The following NSMAF variants were observed in gnomAD, a reference collection of about 807,000 sequenced individuals.
NSMAF encodes protein FAN.
Under a neutral mutation model 134.9 loss-of-function variants are expected in NSMAF, and 90 were observed. That is an observed-to-expected ratio of 0.67 (90% confidence interval 0.56 to 0.79). The LOEUF is 0.79. NSMAF is among the 30% of genes least tolerant of loss of function. The pLI is 0.00. For synonymous variants in NSMAF, 358 were observed against 389.6 expected, an observed-to-expected ratio of 0.92 and a Z score of 0.96; for missense variants, 1,010 against 1,119.0, an observed-to-expected ratio of 0.90 and a Z score of 1.39.
chr8:58,594,546 C>T (rs918419665), intron 22 of NSMAF: 3 of 448,486 alleles, frequency 6.7e-6, no homozygotes, highest in Non-Finnish European at 1.2e-5. Context: ...TTTACATATT[C>T]CTGACAATTT....
intron 24 of NSMAF, among the ~76,000 whole-genome samples, 187 bp downstream of exon 24, chr8:58,590,680 A>C (rs1806001142): frequency 6.6e-6 from 1 of 152,198 alleles, no homozygotes; most frequent in African/African-American, 2.4e-5. Flanking sequence ...CACAACAGTA[A>C]GAGAAAGTGG....
At chr8:58,649,767 C>T (rs942575603) in intron 1 of NSMAF, among the ~76,000 whole-genome samples, 1 of 152,196 alleles carries the variant, frequency 6.6e-6, no homozygotes, top group African/African-American at 2.4e-5. Context: ...ACTTCACCTT[C>T]CACCATGAGT....
At chr8:58,659,539 C>T (rs775836656) in intron 1 of NSMAF, 34 bp downstream of exon 1, 13 of 1,523,782 alleles carry the variant, frequency 8.5e-6, no homozygotes, top group Non-Finnish European at 1.8e-6. Flanking sequence ...CCGACTAGGC[C>T]CCCGGCTGGG....
chr8:58,585,971 C>A lies in NSMAF; in HGVS notation c.2476G>T (p.Asp826Tyr). The stretch of plus-strand genomic sequence containing the variant: ...ACATCAATGACATTAAGACAGCCAT[C>A]TGTTCCTGTGCTGAGGACATGGCGA... Reference protein sequence around the residue: ...DSRHVLSTGTDGCLNVIDVQT... With the variant: ...DSRHVLSTGTYGCLNVIDVQT... Residue 826 changes from aspartate (D) to tyrosine (Y), a missense_variant, in exon 29 of 31, where the codon GAT becomes TAT. Coordinates refer to ENST00000038176, the MANE Select transcript of NSMAF (RefSeq NM_003580.4). The A allele has an allele frequency of 3.7e-6, 6 of 1,614,100 alleles. No individual in the cohort carries two copies. The highest frequency in any genetic ancestry group is 4.2e-6 in the Non-Finnish European group (5 of 1,179,986).
chr8:58,608,521 G>A (rs1472235430), intron 10 of NSMAF, among the ~76,000 whole-genome samples: 2 of 152,132 alleles, frequency 1.3e-5, no homozygotes, highest in Admixed American at 6.5e-5. Flanking sequence ...AAACTGCCCC[G>A]GAGTCCCAGA....
chr8:58,596,788 C>T (rs1238419784), intron 21 of NSMAF, among the ~76,000 whole-genome samples: 3 of 151,916 alleles, frequency 2.0e-5, no homozygotes, highest in African/African-American at 7.3e-5. Flanking sequence ...ATTAGCCGGG[C>T]GTGGTGGCGG....
chr8:58,603,803 T>TTTAG (rs1411317842), intron 12 of NSMAF, among the ~76,000 whole-genome samples: 2 of 152,228 alleles, frequency 1.3e-5, no homozygotes, highest in African/African-American at 4.8e-5. Flanking sequence ...AAAGCAATCT[T>TTTAG]TTAGTTTTCT....
chr8:58,591,696 AG>A (rs1249281328), intron 23 of NSMAF, among the ~76,000 whole-genome samples: 1 of 151,936 alleles, frequency 6.6e-6, no homozygotes, highest in African/African-American at 2.4e-5. Context: ...AATGTTGGCC[AG>A]GTTGGTCTCG....
chr8:58,620,567 T>C (rs991148570), intron 9 of NSMAF, among the ~76,000 whole-genome samples: 1 of 152,200 alleles, frequency 6.6e-6, no homozygotes, highest in African/African-American at 2.4e-5. Flanking sequence ...CTCTTGGCAA[T>C]ATGAAATAAT....
At chr8:58,592,904 A>G (rs952689124) in intron 23 of NSMAF, among the ~76,000 whole-genome samples, 11 of 119,162 alleles carry the variant, frequency 9.2e-5, no homozygotes, top group Non-Finnish European at 1.7e-4. Context: ...AACAAAAACA[A>G]AAACAACAAC....
chr8:58,597,980 C>T (rs927596585), intron 19 of NSMAF, 78 bp from the exon 20 acceptor site: 10 of 1,047,854 alleles, frequency 9.5e-6, no homozygotes, highest in Middle Eastern at 2.1e-4. Flanking sequence ...CTAAACAATG[C>T]AACAACTTAA....
intron 13 of NSMAF, among the ~76,000 whole-genome samples, chr8:58,602,787 T>C (rs1806314618): frequency 1.3e-5 from 2 of 152,190 alleles, no homozygotes; most frequent in Admixed American, 6.5e-5. Context: ...TTATGGATGA[T>C]TTTAATTTTC....
intron 9 of NSMAF, among the ~76,000 whole-genome samples, chr8:58,622,537 G>T (rs1462228604): frequency 1.3e-5 from 2 of 152,014 alleles, no homozygotes; most frequent in Non-Finnish European, 2.9e-5. Flanking sequence ...AGGATTACAG[G>T]TGCCCGCCAC....
At chr8:58,600,189 A>C in intron 16 of NSMAF, 168 bp from the exon 17 acceptor site, 1 of 613,226 alleles carries the variant, frequency 1.6e-6, no homozygotes, top group Non-Finnish European at 2.9e-6. Context: ...AAAAGGGAAC[A>C]CTGGGGCCCA....
intron 22 of NSMAF, 128 bp from the exon 23 acceptor site, chr8:58,594,418 T>G (rs1806086982): frequency 1.3e-6 from 1 of 795,426 alleles, no homozygotes; most frequent in South Asian, 1.6e-5. Flanking sequence ...CTGCCGGATC[T>G]GTCCCAGCAT....
rs539815350 is a variant in NSMAF at position 58,659,608 on chromosome 8, C to G, written c.24G>C (p.Gln8His). ...AGTAGAGCTGCAGCTGCTGCTCCTG[C>G]TGCTTCTTCCGGATAAACGCCATGG... MAFIRKK[Q>H]QEQQLQLYSK... The change falls in exon 1 of 31, where the codon CAG becomes CAC. Residue 8 changes from glutamine to histidine, a missense_variant. By Grantham distance (24) the Gln-to-His change is conservative. Coordinates refer to ENST00000038176, the MANE Select transcript of NSMAF (RefSeq NM_003580.4). 1 of 1,491,200 alleles carries G rather than the reference C, an allele frequency of 6.7e-7. No homozygotes were observed. Among genetic ancestry groups the G allele is most frequent in the Admixed American group, 2.5e-5 (1 of 40,554 alleles). 92.4% of individuals were successfully genotyped at this position (1,491,200 alleles called of 1,614,324 possible).
chr8:58,620,232 G>T (rs1347495974), intron 9 of NSMAF, among the ~76,000 whole-genome samples: 1 of 152,212 alleles, frequency 6.6e-6, no homozygotes. Context: ...CCTTCTAGAA[G>T]AACTGAGAGC....
Position 58,588,555 on chromosome 8 carries a change from C to A in NSMAF, c.2212-854G>T, listed in dbSNP as rs1047724181. On this transcript the variant is annotated intron_variant, in intron 26 of 30. Transcript: ENST00000038176. ...TTGCACAACTCACACAGTAATGTAG[C>A]TTCACATACAGCTTGGGAAGCAAAT... 2.4e-5 allele frequency: 30 copies of A among 1,239,340 alleles called. 1 individual carries two copies. Among genetic ancestry groups the A allele is most frequent in the African/African-American group, 2.8e-5 (2 of 70,308 alleles). The allele number at this position is 1,239,340 out of a possible 1,614,324, so 76.8% of individuals were successfully genotyped here.
Position 58,635,304 on chromosome 8 carries a change from C to CT in NSMAF, c.296dup (p.Ala100GlyfsTer17), listed in dbSNP as rs1386200061. 14 of 1,610,930 alleles carry CT rather than the reference C, an allele frequency of 8.7e-6. No homozygotes were observed. The highest frequency in any genetic ancestry group is 1.1e-5 in the Non-Finnish European group (13 of 1,178,474). On this transcript the variant is annotated frameshift_variant and splice_region_variant. Coordinates refer to ENST00000038176, the MANE Select transcript of NSMAF (RefSeq NM_003580.4). LOFTEE classifies it high-confidence loss of function. ...ATTAAACAGTGGTGAAAATGACATA[C>CT]TTTGTGAAGTGTCTATTGGCTCCAT...
Sources: allele counts gnomAD v4.1 joint callset (sites outside exome capture counted in the v4.1 genomes callset), GRCh38; gene constraint gnomAD v4.1.1; transcripts MANE v1.5; gene names NCBI Gene and HGNC (gene_info 2026-07-23, HGNC 2026-07-21).